Variants in IL6ST observed in about 807,000 individuals in gnomAD.
IL6ST encodes the protein interleukin-6 receptor subunit beta.
A neutral mutation model predicts 91.3 loss-of-function variants in IL6ST; 24 were observed. That is an observed-to-expected ratio of 0.26 (90% CI 0.19 to 0.37). The LOEUF is 0.37. Among genes scored for constraint, IL6ST ranks in the 10% least tolerant of loss-of-function variants. The probability of loss-of-function intolerance (pLI) is 1.00; values close to 1 mark genes in which losing one functional copy is unlikely to be tolerated. For synonymous variants in IL6ST, 351 were observed against 373.6 expected (o/e 0.94, Z 0.70); for missense variants, 914 against 1,078.5 (o/e 0.85, Z 2.14).
At chr5:55,951,630 A>T (rs748856196) in intron 13 of IL6ST, 26 bp from the exon 14 acceptor site, 2 of 1,595,894 alleles carry the variant, frequency 1.3e-6, no homozygotes, top group Non-Finnish European at 8.5e-7. Context: ...ACTGTGCTTC[A>T]TTCAACTATT....
intron 11 of IL6ST, 26 bp downstream of exon 11, chr5:55,954,784 A>G: frequency 6.5e-7 from 1 of 1,544,208 alleles, no homozygotes; most frequent in Non-Finnish European, 8.8e-7. Context: ...AAGGATATCA[A>G]TTTAGATGTT....
intron 5 of IL6ST, among the ~76,000 whole-genome samples, chr5:55,965,975 G>C (rs945974768): frequency 6.6e-6 from 1 of 152,092 alleles, no homozygotes; most frequent in Non-Finnish European, 1.5e-5. Context: ...GAGGATACTA[G>C]GGAATCAACT....
chr5:55,959,685 A>G, intron 8 of IL6ST: 2 of 1,268,580 alleles, frequency 1.6e-6, no homozygotes, highest in Non-Finnish European at 2.1e-6. Flanking sequence ...TTAGAAAAAA[A>G]ATGAATAAAA....
At position 55,942,697 on chromosome 5, in the gene IL6ST, G is replaced by A. The variant is rs371238130; in HGVS notation, c.1992C>T (p.Ala664=). 124 of 1,607,850 alleles carry A rather than the reference G, an allele frequency of 7.7e-5. No homozygotes were observed. Among genetic ancestry groups the A allele is most frequent in the Middle Eastern group, 1.9e-4 (1 of 5,292 alleles). Residue 664 remains alanine, a synonymous_variant, in exon 16 of 17, where the codon GCC becomes GCT. Transcript: ENST00000381298. The part of the protein sequence containing the change: ...NVPDPSKSHI[A]QWSPHTPPRH... ...TTGGAGGAGTGTGAGGTGACCACTG[G>A]GCAATATGACTCTTTGAAGGATCTG...
chr5:55,954,803 G>C lies in IL6ST; in HGVS notation c.1450+7C>G, dbSNP rs1324662125. 6.3e-7 allele frequency: 1 copy of C among 1,592,862 alleles called. No homozygotes were observed. Among genetic ancestry groups the C allele is most frequent in the Non-Finnish European group, 8.5e-7 (1 of 1,169,780 alleles). ...ATATCAATTTAGATGTTTCTAGCCAGGTATACCTCTTAAATAGGTGCGATG... is the reference window on the plus strand; with the variant it reads ...ATATCAATTTAGATGTTTCTAGCCACGTATACCTCTTAAATAGGTGCGATG... On this transcript the variant is annotated splice_region_variant and intron_variant, in intron 11 of 16. Transcript: ENST00000381298.
At chr5:55,947,632 A>AATAATGTTGAC in intron 14 of IL6ST, 43 bp from the exon 15 acceptor site, 2 of 1,161,888 alleles carry the variant, frequency 1.7e-6, no homozygotes, top group Non-Finnish European at 2.5e-6. Flanking sequence ...TGTGATGGGA[A>AATAATGTTGAC]ATAATGTTGA....
chr5:55,975,120 C>A (rs187332124), intron 3 of IL6ST, among the ~76,000 whole-genome samples: 62 of 152,120 alleles, frequency 4.1e-4, no homozygotes, highest in African/African-American at 1.5e-3. Context: ...GTAGTTGGGA[C>A]TAGAGGCATG....
At chr5:55,955,978 C>T (rs1751934718) in intron 10 of IL6ST, 47 bp downstream of exon 10, 1 of 1,330,358 alleles carries the variant, frequency 7.5e-7, no homozygotes, top group Non-Finnish European at 1.1e-6. Context: ...CATACCTAAC[C>T]ACCATTTTTC....
chr5:55,968,727 CAT>C (rs1222126990), intron 4 of IL6ST, among the ~76,000 whole-genome samples: 1 of 152,106 alleles, frequency 6.6e-6, no homozygotes, highest in Non-Finnish European at 1.5e-5. Context: ...GTAATATATA[CAT>C]ATGTTTGTAA....
Position 55,972,133 on chromosome 5 carries a change from G to T in IL6ST, c.65-2278C>A, listed in dbSNP as rs77317702. Among the ~76,000 whole-genome samples, 963 of 152,212 alleles carry T rather than the reference G, an allele frequency of 6.3e-3. 12 individuals are homozygous for T. Among genetic ancestry groups the T allele is most frequent in the African/African-American group, 0.022 (926 of 41,516 alleles). On this transcript the variant is annotated intron_variant, in intron 3 of 16. Coordinates refer to ENST00000381298, the MANE Select transcript of IL6ST (RefSeq NM_002184.4). ...AAGTAATCATAGGGATGTTAAATAT[G>T]AAATATACTCTAGAGTTCTAAAAAG...
intron 3 of IL6ST, among the ~76,000 whole-genome samples, chr5:55,973,497 C>T (rs183832313): frequency 1.1e-3 from 163 of 152,262 alleles, no homozygotes; most frequent in African/African-American, 3.8e-3. Context: ...AAAGCCAGGG[C>T]CATAAAAAGA....
Position 55,963,383 on chromosome 5 carries a change from T to C in IL6ST, c.782A>G (p.Tyr261Cys), listed in dbSNP as rs762483623. 1.2e-6 allele frequency: 2 copies of C among 1,602,590 alleles called. No homozygotes were observed. The highest frequency in any genetic ancestry group is 1.7e-6 in the Non-Finnish European group (2 of 1,173,936). ...SVIILKYNIQ[Y>C]RTKDASTWSQ... is the part of the protein sequence containing the mutation. ...CCAAGTTGAGGCATCTTTGGTCCTA[T>C]ATTGAATGTTATATTTTAGTATTAT... The change falls in exon 7 of 17, where the codon TAT (tyrosine) becomes TGT (cysteine). Residue 261 changes from tyrosine (Y) to cysteine (C), a missense_variant. Transcript: ENST00000381298.
At chr5:55,973,947 A>G (rs966711119) in intron 3 of IL6ST, among the ~76,000 whole-genome samples, 3 of 152,208 alleles carry the variant, frequency 2.0e-5, no homozygotes, top group African/African-American at 7.2e-5. Context: ...GCTAAAACTG[A>G]TAAAATGAAA....
At chr5:55,955,329 T>C (rs6888334) in intron 10 of IL6ST, among the ~76,000 whole-genome samples, 37,049 of 152,078 alleles carry the variant, frequency 0.24, 7,061 homozygotes, top group African/African-American at 0.53. Flanking sequence ...TTGTGGTGCG[T>C]GCCTTTAATT....
Position 55,935,563 on chromosome 5 carries a change from A to T in IL6ST, c.*5519T>A. 1 of 218,520 alleles carries T rather than the reference A, an allele frequency of 4.6e-6. No homozygotes were observed. Among genetic ancestry groups the T allele is most frequent in the Non-Finnish European group, 9.2e-6 (1 of 108,828 alleles). 13.5% of individuals were successfully genotyped at this position (218,520 alleles called of 1,614,324 possible). ...ACCCCGATCAGCAGCAACAGGACTC[A>T]AGCTGTTCACCCTGCTTTCGAGTTG... On this transcript the variant is annotated 3_prime_UTR_variant, in exon 17 of 17. Coordinates refer to ENST00000381298, the MANE Select transcript of IL6ST (RefSeq NM_002184.4).
At chr5:55,963,717 T>C (rs1489599699) in intron 6 of IL6ST, among the ~76,000 whole-genome samples, 1 of 152,172 alleles carries the variant, frequency 6.6e-6, no homozygotes, top group Non-Finnish European at 1.5e-5. Flanking sequence ...TTAATTTACA[T>C]TTGTTAATCT....
Position 55,969,700 on chromosome 5 carries a change from T to C in IL6ST, c.220A>G (p.Ile74Val), listed in dbSNP as rs770873033. The change falls in exon 4 of 17, where the codon ATT (isoleucine) becomes GTT (valine). Residue 74 changes from isoleucine (I) to valine (V), a missense_variant. Transcript: ENST00000381298. ...YIVWKTNHFT[I>V]PKEQYTIINR... ...ATGATAGTATATTGCTCCTTAGGAATAGTAAAATGGTTTGTTTTCCAGACA... is the reference window on the plus strand; with the variant it reads ...ATGATAGTATATTGCTCCTTAGGAACAGTAAAATGGTTTGTTTTCCAGACA... 2 of 1,612,892 alleles carry C rather than the reference T, an allele frequency of 1.2e-6. No individual in the cohort carries two copies. The highest frequency in any genetic ancestry group is 1.7e-5 in the Admixed American group (1 of 60,014).
rs1010930332 is a variant in IL6ST at position 55,937,153 on chromosome 5, CTG to C, written c.*3927_*3928del. 4.7e-5 allele frequency: 10 copies of C among 210,650 alleles called. No homozygotes were observed. Among genetic ancestry groups the C allele is most frequent in the African/African-American group, 2.3e-4 (10 of 43,662 alleles). 13.0% of individuals were successfully genotyped at this position (210,650 alleles called of 1,614,324 possible). On this transcript the variant is annotated 3_prime_UTR_variant, in exon 17 of 17. Coordinates refer to ENST00000381298, the MANE Select transcript of IL6ST (RefSeq NM_002184.4). ...TAAAAGAACATCATTCAGACAAAGC[CTG>C]TGTTCAAGAAATAAAAAAAACATCT...
intron 14 of IL6ST, 114 bp from the exon 15 acceptor site, chr5:55,947,703 A>C: frequency 1.6e-6 from 1 of 623,370 alleles, no homozygotes. Flanking sequence ...AAAAGATAAA[A>C]TACAATCCTA....
Sources: allele counts gnomAD v4.1 joint callset (sites outside exome capture counted in the v4.1 genomes callset), GRCh38; gene constraint gnomAD v4.1.1; transcripts MANE v1.5; gene names NCBI Gene and HGNC (gene_info 2026-07-23, HGNC 2026-07-21).